Variants in DACH2 observed in about 807,000 individuals in gnomAD.
The protein encoded by DACH2 is dachshund homolog 2.
DACH2 carries 17 observed loss-of-function variants against 35.8 expected under a neutral mutation model. The observed-to-expected ratio is 0.48, with a 90% confidence interval of 0.33 to 0.71. DACH2 has a LOEUF of 0.71. Among genes scored for constraint, DACH2 ranks in the 30% least tolerant of loss-of-function variants. The pLI, the probability that DACH2 is intolerant of heterozygous loss-of-function variation, is 0.02. For missense variants in DACH2, 469 were observed against 472.7 expected (o/e 0.99, Z 0.07); for synonymous variants, 195 against 177.3 (o/e 1.10, Z -0.79).
At chrX:86,461,495 T>C (rs777722849) in intron 2 of DACH2, among the ~76,000 whole-genome samples, 1 of 111,229 alleles carries the variant, frequency 9.0e-6, no homozygotes, top group Admixed American at 9.6e-5. Flanking sequence ...TTTTTCTTTA[T>C]TTACTTATGG....
intron 3 of DACH2, among the ~76,000 whole-genome samples, chrX:86,635,342 A>C (rs768516478): frequency 2.4e-3 from 266 of 109,367 alleles, no homozygotes; most frequent in Non-Finnish European, 4.4e-3. Flanking sequence ...AAAAAAAAAA[A>C]AAAAACCTCT....
chrX:86,246,370 T>G (rs1052556832), intron 1 of DACH2, among the ~76,000 whole-genome samples: 2 of 95,675 alleles, frequency 2.1e-5, no homozygotes, highest in African/African-American at 7.4e-5. Context: ...AGTCATCAGA[T>G]TCTCCAAGGT....
chrX:86,344,005 A>G (rs1299079147), intron 1 of DACH2, among the ~76,000 whole-genome samples: 1 of 110,293 alleles, frequency 9.1e-6, no homozygotes, highest in Admixed American at 9.7e-5. Flanking sequence ...TTGATACACA[A>G]CAGGGTAACT....
At chrX:86,796,340 G>A (rs929297213) in intron 7 of DACH2, among the ~76,000 whole-genome samples, 18 of 111,198 alleles carry the variant, frequency 1.6e-4, no homozygotes, top group South Asian at 7.5e-4. Context: ...GACACAGAGC[G>A]CTCCTTGGTG....
Position 86,739,777 on chromosome X carries a change from C to G in DACH2, c.1135C>G (p.Pro379Ala). ...GATCCCAGAGAGTCCTTCTCCTGCT[C>G]CTTCTCTAGAAGAGAATCATCGTCC... ...ERIPESPSPA[P>A]SLEENHRPGS... is the part of the protein sequence containing the mutation. Residue 379 changes from proline (P) to alanine (A), a missense_variant, in exon 7 of 12, where the codon CCT becomes GCT. Physicochemically the swap from Pro to Ala is conservative, Grantham distance 27. Transcript: ENST00000373125. 8.4e-7 allele frequency: 1 copy of G among 1,185,234 alleles called. No individual in the cohort carries two copies.
At chrX:86,419,146 C>T (rs2036758460) in intron 2 of DACH2, among the ~76,000 whole-genome samples, 1 of 111,769 alleles carries the variant, frequency 8.9e-6, no homozygotes, top group Non-Finnish European at 1.9e-5. Context: ...TCCAAACTTT[C>T]CCACATTTTC....
chrX:86,271,978 C>T (rs980080100), intron 1 of DACH2, among the ~76,000 whole-genome samples: 1 of 111,126 alleles, frequency 9.0e-6, no homozygotes, highest in Non-Finnish European at 1.9e-5. Flanking sequence ...ATCCCTCACT[C>T]CCTGCCCAGC....
intron 7 of DACH2, among the ~76,000 whole-genome samples, chrX:86,780,170 CAAAA>C (rs5902915): frequency 2.1e-4 from 19 of 90,121 alleles, no homozygotes; most frequent in South Asian, 6.3e-4. Flanking sequence ...ATATAAATAC[CAAAA>C]AAAAAAAAAA....
chrX:86,323,858 C>G (rs753264843), intron 1 of DACH2, among the ~76,000 whole-genome samples: 9 of 112,196 alleles, frequency 8.0e-5, no homozygotes, highest in Admixed American at 2.8e-4. Flanking sequence ...TCTTCAAGAC[C>G]GGTGGCTAGC....
intron 3 of DACH2, among the ~76,000 whole-genome samples, chrX:86,617,618 C>A (rs1351671504): frequency 9.0e-6 from 1 of 111,350 alleles, no homozygotes; most frequent in East Asian, 2.8e-4. Context: ...ACATTTGTAT[C>A]AACCTTCATG....
intron 7 of DACH2, among the ~76,000 whole-genome samples, chrX:86,774,677 C>T (rs904948138): frequency 8.9e-6 from 1 of 111,980 alleles, no homozygotes; most frequent in African/African-American, 3.2e-5. Context: ...CCACTACAAG[C>T]TGCAAACTAT....
At chrX:86,528,577 G>A (rs1432082372) in intron 3 of DACH2, among the ~76,000 whole-genome samples, 1 of 111,820 alleles carries the variant, frequency 8.9e-6, no homozygotes, top group Non-Finnish European at 1.9e-5. Context: ...ATAAATAAAT[G>A]GGAAGAGATA....
chrX:86,433,043 A>T (rs2037010386), intron 2 of DACH2, among the ~76,000 whole-genome samples: 1 of 111,817 alleles, frequency 8.9e-6, no homozygotes, highest in African/African-American at 3.2e-5. Flanking sequence ...ATTTGATTAA[A>T]CTGTGTTTCA....
chrX:86,770,602 T>TATC (rs4017899), intron 7 of DACH2, among the ~76,000 whole-genome samples: 22,593 of 111,323 alleles, frequency 0.2, 1,778 homozygotes, highest in East Asian at 0.46. Flanking sequence ...TGACAGTTTC[T>TATC]ATCATTATTT....
At chrX:86,343,040 A>T (rs1354060118) in intron 1 of DACH2, among the ~76,000 whole-genome samples, 1 of 111,893 alleles carries the variant, frequency 8.9e-6, no homozygotes. Flanking sequence ...ACTTTAGTAG[A>T]CTGCAGTATA....
chrX:86,673,455 T>A (rs1268923683), intron 4 of DACH2, among the ~76,000 whole-genome samples: 4 of 111,433 alleles, frequency 3.6e-5, no homozygotes, highest in Non-Finnish European at 7.5e-5. Context: ...TTGGGCTTAT[T>A]TCTTCCTTTT....
chrX:86,259,123 C>T (rs1214400147), intron 1 of DACH2, among the ~76,000 whole-genome samples: 1 of 112,131 alleles, frequency 8.9e-6, no homozygotes. Context: ...TGATTAATAT[C>T]AAAATCTAAT....
chrX:86,566,829 T>A (rs1222823870), intron 3 of DACH2, among the ~76,000 whole-genome samples: 1 of 111,528 alleles, frequency 9.0e-6, no homozygotes, highest in Non-Finnish European at 1.9e-5. Context: ...TCCTATAAAA[T>A]ACTCAAAGCA....
intron 7 of DACH2, among the ~76,000 whole-genome samples, chrX:86,796,018 G>A (rs956693681): frequency 1.8e-5 from 2 of 111,940 alleles, no homozygotes; most frequent in Non-Finnish European, 3.8e-5. Flanking sequence ...ACAGCGTGGA[G>A]GGGGACCTGA....
Sources: gnomAD v4.1 joint callset for allele counts (sites outside exome capture counted in the v4.1 genomes callset) on GRCh38, gnomAD v4.1.1 for gene constraint, MANE v1.5 for transcripts, NCBI Gene and HGNC (gene_info 2026-07-23, HGNC 2026-07-21) for gene names.